The following ACSS3 variants were observed in gnomAD, a reference collection of about 807,000 sequenced individuals.
ACSS3 encodes acyl-CoA synthetase short-chain family member 3, mitochondrial.
Under a neutral mutation model 84.2 loss-of-function variants are expected in ACSS3, and 64 were observed. The observed-to-expected ratio is 0.76, with a 90% CI of 0.62 to 0.94. The LOEUF (loss-of-function observed/expected upper bound fraction) is 0.94. Ranked by LOEUF, ACSS3 falls within the 40% of genes least tolerant of loss-of-function variation. ACSS3 has a pLI of 0.00. For missense variants in ACSS3, 815 were observed against 867.6 expected, an observed-to-expected ratio of 0.94 and a Z score of 0.76; for synonymous variants, 317 against 310.1, an observed-to-expected ratio of 1.02 and a Z score of -0.23.
At chr12:81,112,584 A>AT (rs764391162) in intron 2 of ACSS3, among the ~76,000 whole-genome samples, 4 of 152,146 alleles carry the variant, frequency 2.6e-5, no homozygotes, top group Non-Finnish European at 5.9e-5. Context: ...ACAGCCTCTG[A>AT]TTCCCCAGGC....
rs1190436527 is a variant in ACSS3, at chr12:81,231,139, G to A, written c.1596+1G>A. On this transcript the variant is annotated splice_donor_variant, in intron 12 of 15. Transcript: ENST00000548058. LOFTEE classifies it high-confidence loss of function. ...GCATTTATACTTTGAAAAATTTCCT[G>A]TAAGAACTTTAATATGCTTTTTTAT... 4 of 1,602,650 alleles carry A rather than the reference G, an allele frequency of 2.5e-6. No homozygotes were observed. Among genetic ancestry groups the A allele is most frequent in the Non-Finnish European group, 3.4e-6 (4 of 1,172,880 alleles).
At chr12:81,154,223 C>A (rs1351176202) in intron 7 of ACSS3, among the ~76,000 whole-genome samples, 1 of 152,098 alleles carries the variant, frequency 6.6e-6, no homozygotes, top group Admixed American at 6.5e-5. Flanking sequence ...TATGACAAAG[C>A]CAAAGATGCT....
chr12:81,130,706 C>T (rs1019941291), intron 2 of ACSS3, among the ~76,000 whole-genome samples: 1 of 152,098 alleles, frequency 6.6e-6, no homozygotes, highest in Non-Finnish European at 1.5e-5. Context: ...CTTGCCCATG[C>T]CTATGTCCTG....
intron 11 of ACSS3, among the ~76,000 whole-genome samples, chr12:81,226,269 T>C (rs2033267634): frequency 6.6e-6 from 1 of 151,958 alleles, no homozygotes; most frequent in African/African-American, 2.4e-5. Flanking sequence ...GCTTCTTAGA[T>C]ACTACTTTCC....
intron 11 of ACSS3, among the ~76,000 whole-genome samples, chr12:81,224,583 T>C (rs1397733033): frequency 2.0e-5 from 3 of 151,414 alleles, no homozygotes; most frequent in South Asian, 2.1e-4. Context: ...CATGTGTGTG[T>C]GTGTGTGTGT....
intron 3 of ACSS3, among the ~76,000 whole-genome samples, chr12:81,136,025 C>T (rs1885780943): frequency 6.6e-6 from 1 of 152,088 alleles, no homozygotes; most frequent in Non-Finnish European, 1.5e-5. Flanking sequence ...CTGACACTGT[C>T]TTTGCAACTG....
chr12:81,241,858 A>G (rs1002415464), intron 13 of ACSS3, among the ~76,000 whole-genome samples: 9 of 152,210 alleles, frequency 5.9e-5, no homozygotes, highest in African/African-American at 2.2e-4. Flanking sequence ...CCATTTGTCA[A>G]TTCTGGCTTT....
At chr12:81,084,710 G>A (rs539498812) in intron 1 of ACSS3, among the ~76,000 whole-genome samples, 1 of 152,214 alleles carries the variant, frequency 6.6e-6, no homozygotes, top group African/African-American at 2.4e-5. Context: ...TTCAAAGAAA[G>A]AGGAAAAGAA....
At chr12:81,150,822 A>T (rs1886574435) in intron 5 of ACSS3, among the ~76,000 whole-genome samples, 1 of 152,234 alleles carries the variant, frequency 6.6e-6, no homozygotes, top group African/African-American at 2.4e-5. Context: ...GAGCTATGCT[A>T]AAAAGCATAA....
intron 11 of ACSS3, among the ~76,000 whole-genome samples, chr12:81,221,255 A>G (rs1343600753): frequency 6.6e-6 from 1 of 152,048 alleles, no homozygotes; most frequent in African/African-American, 2.4e-5. Context: ...TGATATTGAC[A>G]TCTTTACTGA....
intron 1 of ACSS3, among the ~76,000 whole-genome samples, chr12:81,078,656 C>T (rs1282485274): frequency 6.6e-6 from 1 of 152,096 alleles, no homozygotes; most frequent in African/African-American, 2.4e-5. Context: ...GTCCCATAAA[C>T]GGGAGATTTA....
chr12:81,153,968 A>T (rs1178706753), intron 7 of ACSS3, among the ~76,000 whole-genome samples: 1 of 152,172 alleles, frequency 6.6e-6, no homozygotes, highest in Non-Finnish European at 1.5e-5. Context: ...TATCTTGCGG[A>T]CTTGATATGC....
At chr12:81,127,883 A>G (rs574738372) in intron 2 of ACSS3, among the ~76,000 whole-genome samples, 4 of 152,240 alleles carry the variant, frequency 2.6e-5, no homozygotes, top group Admixed American at 1.3e-4. Flanking sequence ...CTTTTTGCCA[A>G]TTTTGACTAA....
chr12:81,106,267 A>T (rs1169479362), intron 1 of ACSS3, among the ~76,000 whole-genome samples: 3 of 152,120 alleles, frequency 2.0e-5, no homozygotes, highest in Non-Finnish European at 4.4e-5. Flanking sequence ...TCTCATAGGA[A>T]CACAAGCCAT....
At chr12:81,139,444 A>G (rs1273927624) in intron 4 of ACSS3, among the ~76,000 whole-genome samples, 179 bp downstream of exon 4, 1 of 151,846 alleles carries the variant, frequency 6.6e-6, no homozygotes, top group African/African-American at 2.4e-5. Context: ...CTAGCTTAAA[A>G]CCAAAAGAGT....
chr12:81,128,747 G>T (rs1483218471), intron 2 of ACSS3, among the ~76,000 whole-genome samples: 2 of 152,070 alleles, frequency 1.3e-5, no homozygotes, highest in African/African-American at 4.8e-5. Context: ...TTTATGGTAG[G>T]ATAAGAATAT....
intron 9 of ACSS3, among the ~76,000 whole-genome samples, chr12:81,207,258 CT>C (rs748802546): frequency 3.3e-5 from 5 of 152,258 alleles, no homozygotes; most frequent in South Asian, 4.1e-4. Context: ...TTGATTCCCC[CT>C]GATACACGTA....
intron 8 of ACSS3, among the ~76,000 whole-genome samples, chr12:81,186,598 A>T (rs978192401): frequency 6.6e-6 from 1 of 151,932 alleles, no homozygotes; most frequent in Non-Finnish European, 1.5e-5. Context: ...GCCAGCATGC[A>T]TATGGAAAGG....
At chr12:81,191,464 G>T (rs1424628846) in intron 8 of ACSS3, among the ~76,000 whole-genome samples, 1 of 152,066 alleles carries the variant, frequency 6.6e-6, no homozygotes, top group African/African-American at 2.4e-5. Context: ...GGGCATGGAA[G>T]TCTTTTTCCC....
Sources: gnomAD v4.1 joint callset for allele counts (sites outside exome capture counted in the v4.1 genomes callset) on GRCh38, gnomAD v4.1.1 for gene constraint, MANE v1.5 for transcripts, NCBI Gene and HGNC (gene_info 2026-07-23, HGNC 2026-07-21) for gene names.